Variants in AADAT observed in about 807,000 individuals in gnomAD.
AADAT encodes the protein kynurenine/alpha-aminoadipate aminotransferase, mitochondrial.
AADAT carries 25 observed loss-of-function variants against 56.2 expected under a neutral mutation model. The observed-to-expected ratio is 0.44, with a 90% CI of 0.32 to 0.62. The LOEUF is 0.62. AADAT is among the 20% of genes least tolerant of loss of function. AADAT has a pLI of 0.04. For missense variants in AADAT, 387 were observed against 510.5 expected, an observed-to-expected ratio of 0.76 and a Z score of 2.33; for synonymous variants, 173 against 164.7, an observed-to-expected ratio of 1.05 and a Z score of -0.39.
Position 170,064,707 on chromosome 4 carries a change from TC to T in AADAT, c.1134+11del. 1 of 1,587,386 alleles carries T rather than the reference TC, an allele frequency of 6.3e-7. No individual in the cohort carries two copies. The highest frequency in any genetic ancestry group is 1.2e-5 in the South Asian group (1 of 86,104). On this transcript the variant is annotated intron_variant, in intron 11 of 12. Coordinates refer to ENST00000337664, the MANE Select transcript of AADAT (RefSeq NM_016228.4). ...TCCTTAGGTTTCCCAGCCCTTCACC[TC>T]CCAGTTTTACCCCCATCTTAACGGC... is the stretch of plus-strand genomic sequence containing the variant.
intron 6 of AADAT, among the ~76,000 whole-genome samples, chr4:170,070,125 C>T (rs1393156927): frequency 6.6e-6 from 1 of 152,054 alleles, no homozygotes; most frequent in Non-Finnish European, 1.5e-5. Context: ...GCTAACAGAG[C>T]ACAGCCTCTT....
At chr4:170,068,904 T>C (rs1303962864) in intron 7 of AADAT, among the ~76,000 whole-genome samples, 2 of 152,228 alleles carry the variant, frequency 1.3e-5, no homozygotes, top group African/African-American at 2.4e-5. Context: ...TGCCCTTTCA[T>C]ACCTGATATC....
chr4:170,075,495 A>G (rs1299466130), intron 4 of AADAT, among the ~76,000 whole-genome samples: 1 of 152,174 alleles, frequency 6.6e-6, no homozygotes, highest in African/African-American at 2.4e-5. Context: ...AAAGTTGTAG[A>G]CATGTGCTTT....
intron 11 of AADAT, 60 bp downstream of exon 11, chr4:170,064,658 AT>A: frequency 7.5e-7 from 1 of 1,337,602 alleles, no homozygotes; most frequent in Non-Finnish European, 1.0e-6. Context: ...TTCAAGCAAA[AT>A]ATTAAAGAAA....
At chr4:170,069,754 T>G (rs987644039) in intron 6 of AADAT, among the ~76,000 whole-genome samples, 18 of 152,120 alleles carry the variant, frequency 1.2e-4, no homozygotes, top group Non-Finnish European at 1.5e-4. Flanking sequence ...GAAAGGAAAT[T>G]TGCTGGCATG....
intron 3 of AADAT, among the ~76,000 whole-genome samples, chr4:170,084,508 T>G (rs146856924): frequency 1.2e-3 from 187 of 152,290 alleles, no homozygotes; most frequent in African/African-American, 4.4e-3. Flanking sequence ...AGGCAATAGA[T>G]TTTTCCAGCC....
intron 10 of AADAT, among the ~76,000 whole-genome samples, chr4:170,065,028 G>A (rs1731380747): frequency 6.6e-6 from 1 of 151,992 alleles, no homozygotes; most frequent in African/African-American, 2.4e-5. Context: ...GTTACTGTGG[G>A]TGAGGGAAGA....
chr4:170,082,901 G>A (rs985017927), intron 3 of AADAT, among the ~76,000 whole-genome samples: 23 of 151,704 alleles, frequency 1.5e-4, no homozygotes, highest in African/African-American at 5.6e-4. Flanking sequence ...ACAAATATTA[G>A]TAAATTTAAA....
intron 3 of AADAT, among the ~76,000 whole-genome samples, chr4:170,079,810 C>T (rs549643199): frequency 1.3e-5 from 2 of 152,210 alleles, no homozygotes; most frequent in Admixed American, 1.3e-4. Context: ...GCCTTTGAAA[C>T]ACCCTGTGAT....
At chr4:170,069,086 T>A in intron 7 of AADAT, 62 bp downstream of exon 7, 1 of 1,415,356 alleles carries the variant, frequency 7.1e-7, no homozygotes, top group East Asian at 2.3e-5. Context: ...GACTAAAAGA[T>A]ACTGAGGTAC....
At chr4:170,089,364 T>TG (rs529337457) in intron 1 of AADAT, 753 of 591,294 alleles carry the variant, frequency 1.3e-3, no homozygotes, top group Non-Finnish European at 1.9e-3. Context: ...TCCAAGGCCG[T>TG]GCCCCACAGC....
chr4:170,087,261 AT>A lies in AADAT; in HGVS notation c.237-14del. 1 of 1,606,474 alleles carries A rather than the reference AT, an allele frequency of 6.2e-7. No homozygotes were observed. Among genetic ancestry groups the A allele is most frequent in the Non-Finnish European group, 8.5e-7 (1 of 1,175,892 alleles). On this transcript the variant is annotated splice_polypyrimidine_tract_variant and intron_variant, in intron 2 of 12. Transcript: ENST00000337664. Reference sequence around the variant, plus strand: ...AAGCTCTGGAATTCTAAAGCAAAAAATGTATATTTAAATTCATAGTAGTAAA... The same window carrying A: ...AAGCTCTGGAATTCTAAAGCAAAAAAGTATATTTAAATTCATAGTAGTAAA...
intron 11 of AADAT, among the ~76,000 whole-genome samples, 162 bp from the exon 12 acceptor site, chr4:170,062,155 T>C (rs1451661655): frequency 1.3e-5 from 2 of 152,166 alleles, no homozygotes; most frequent in Admixed American, 6.6e-5. Context: ...GCGTATGTCA[T>C]ACAATGAACA....
At chr4:170,070,560 G>T in intron 6 of AADAT, 27 bp downstream of exon 6, 1 of 1,523,800 alleles carries the variant, frequency 6.6e-7, no homozygotes, top group Non-Finnish European at 9.1e-7. Flanking sequence ...TCTTCTAATA[G>T]TGAAGTAAGT....
At position 170,089,679 on chromosome 4, in the gene AADAT, T is replaced by TG; in HGVS notation, c.11dup (p.Arg5ThrfsTer20). On this transcript the variant is annotated frameshift_variant, in exon 1 of 13. Coordinates refer to ENST00000337664, the MANE Select transcript of AADAT (RefSeq NM_016228.4). LOFTEE classifies it high-confidence loss of function. The stretch of plus-strand genomic sequence containing the variant: ...CTGCGCTCGCTGCCGTGATGAACCG[T>TG]GCGTAATTCATGTCTTCTGACAGCC... 1 of 1,614,178 alleles carries TG rather than the reference T, an allele frequency of 6.2e-7. No homozygotes were observed. Among genetic ancestry groups the TG allele is most frequent in the Non-Finnish European group, 8.5e-7 (1 of 1,180,028 alleles).
chr4:170,087,100 T>G lies in AADAT; in HGVS notation c.369+16A>C, dbSNP rs35495254. On this transcript the variant is annotated intron_variant, in intron 3 of 12. Transcript: ENST00000337664. The stretch of plus-strand genomic sequence containing the variant: ...TCCAATTCTACATTTTGGCTGAGTT[T>G]TCCTTTCAGTCTTACCTTACAAAGA... 16 of 1,612,938 alleles carry G rather than the reference T, an allele frequency of 9.9e-6. No individual in the cohort carries two copies. Among genetic ancestry groups the G allele is most frequent in the Non-Finnish European group, 1.2e-5 (14 of 1,179,814 alleles).
At chr4:170,084,360 T>A (rs1184749506) in intron 3 of AADAT, among the ~76,000 whole-genome samples, 1 of 152,084 alleles carries the variant, frequency 6.6e-6, no homozygotes, top group Non-Finnish European at 1.5e-5. Flanking sequence ...ACAGAAAAAA[T>A]TAAAAATTAA....
intron 4 of AADAT, among the ~76,000 whole-genome samples, chr4:170,074,443 A>G (rs993828314): frequency 5.9e-5 from 9 of 152,100 alleles, no homozygotes; most frequent in African/African-American, 1.9e-4. Context: ...CTTCATAATT[A>G]TAATTATTAC....
chr4:170,068,466 T>C, intron 8 of AADAT, 125 bp downstream of exon 8: 1 of 619,012 alleles, frequency 1.6e-6, no homozygotes, highest in South Asian at 2.3e-5. Context: ...GATTAGCATG[T>C]CTGCAAAGAA....
Sources: gnomAD v4.1 joint callset for allele counts (sites outside exome capture counted in the v4.1 genomes callset) on GRCh38, gnomAD v4.1.1 for gene constraint, MANE v1.5 for transcripts, NCBI Gene and HGNC (gene_info 2026-07-23, HGNC 2026-07-21) for gene names.